MPPED1: variants seen among roughly 807,000 people sequenced by gnomAD.
The protein encoded by MPPED1 is metallophosphoesterase domain containing 1, also known as metallophosphoesterase domain-containing protein 1.
In MPPED1, 16 loss-of-function variants were observed where a neutral mutation model predicts 36.2. The ratio of observed to expected loss-of-function variants is 0.44; its 90% CI spans 0.30 to 0.67. MPPED1 has a LOEUF of 0.67. Among genes scored for constraint, MPPED1 ranks in the 30% least tolerant of loss-of-function variants. MPPED1 has a pLI of 0.10. For missense variants in MPPED1, 307 were observed against 453.4 expected (o/e 0.68, Z 2.93); for synonymous variants, 199 against 191.3 (o/e 1.04, Z -0.33).
intron 3 of MPPED1, among the ~76,000 whole-genome samples, chr22:43,453,113 C>A (rs1930632155): frequency 6.6e-6 from 1 of 151,986 alleles, no homozygotes; most frequent in African/African-American, 2.4e-5. Context: ...CCACGCCCGG[C>A]TAATTTGTTG....
In MPPED1 at chr22:43,435,031, C is replaced by A; in HGVS notation, c.225-3C>A. ...TGATCCGCAGTGTCATCTCTCCCTG[C>A]AGGGTGGACCCGGTGCCTCACGATG... is the stretch of plus-strand genomic sequence containing the variant. On this transcript the variant is annotated splice_region_variant and splice_polypyrimidine_tract_variant and intron_variant, in intron 2 of 6. Transcript: ENST00000443721. The A allele has an allele frequency of 1.2e-6, 2 of 1,613,198 alleles. No homozygotes were observed. Among genetic ancestry groups the A allele is most frequent in the Non-Finnish European group, 1.7e-6 (2 of 1,179,598 alleles).
chr22:43,476,909 C>T (rs1931595245), intron 4 of MPPED1, among the ~76,000 whole-genome samples: 1 of 152,118 alleles, frequency 6.6e-6, no homozygotes, highest in Admixed American at 6.5e-5. Flanking sequence ...GGAGGGCCGT[C>T]TAGAAGGAGG....
chr22:43,422,180 G>T (rs135088), intron 1 of MPPED1, among the ~76,000 whole-genome samples: 254 of 152,328 alleles, frequency 1.7e-3, no homozygotes, highest in African/African-American at 5.7e-3. Context: ...GAGGGCAGAG[G>T]CGGAAGCCAG....
intron 4 of MPPED1, among the ~76,000 whole-genome samples, chr22:43,493,288 G>C (rs949335289): frequency 1.3e-5 from 2 of 152,184 alleles, no homozygotes; most frequent in Non-Finnish European, 2.9e-5. Context: ...ACTAAGTTGG[G>C]GTTTTCAAAT....
At chr22:43,485,589 C>T (rs757198856) in intron 4 of MPPED1, among the ~76,000 whole-genome samples, 9 of 152,136 alleles carry the variant, frequency 5.9e-5, no homozygotes, top group Non-Finnish European at 1.2e-4. Context: ...CTGCCCCCTT[C>T]CTATCTTCAT....
At chr22:43,423,456 G>A (rs1438257676) in intron 1 of MPPED1, among the ~76,000 whole-genome samples, 1 of 152,206 alleles carries the variant, frequency 6.6e-6, no homozygotes, top group African/African-American at 2.4e-5. Flanking sequence ...GCGCAAGTGT[G>A]TCCCCAGGAA....
chr22:43,424,763 AT>A, intron 1 of MPPED1, 144 bp from the exon 2 acceptor site: 3 of 1,136,984 alleles, frequency 2.6e-6, no homozygotes, highest in Non-Finnish European at 3.6e-6. Context: ...AGTTGGAAAG[AT>A]TTGTAATGAG....
intron 4 of MPPED1, among the ~76,000 whole-genome samples, chr22:43,497,056 G>A (rs1226397383): frequency 7.0e-5 from 10 of 142,778 alleles, no homozygotes; most frequent in South Asian, 2.3e-4. Flanking sequence ...TGGTGGTGGA[G>A]ATGGTGGTGG....
intron 3 of MPPED1, among the ~76,000 whole-genome samples, chr22:43,471,910 GC>G (rs1409645298): frequency 3.3e-5 from 5 of 152,228 alleles, no homozygotes; most frequent in African/African-American, 9.6e-5. Context: ...GGTGGAAGGG[GC>G]TTGTAGAATC....
chr22:43,461,040 C>T (rs1288441881), intron 3 of MPPED1, among the ~76,000 whole-genome samples: 1 of 152,172 alleles, frequency 6.6e-6, no homozygotes, highest in African/African-American at 2.4e-5. Context: ...GGGCTTTCCT[C>T]ATTGAGCAAG....
chr22:43,464,345 G>T (rs1053939601), intron 3 of MPPED1, among the ~76,000 whole-genome samples: 6 of 151,122 alleles, frequency 4.0e-5, no homozygotes, highest in Non-Finnish European at 8.8e-5. Context: ...GGTGGGCATA[G>T]GGGGATGTGA....
intron 1 of MPPED1, chr22:43,419,169 G>A (rs1929174694): frequency 6.6e-6 from 1 of 152,202 alleles, no homozygotes; most frequent in Non-Finnish European, 1.5e-5. Flanking sequence ...TTTGAGTCCT[G>A]CTGTCAGACT....
intron 2 of MPPED1, among the ~76,000 whole-genome samples, chr22:43,428,973 G>A (rs887620406): frequency 2.0e-5 from 3 of 152,072 alleles, no homozygotes; most frequent in African/African-American, 7.2e-5. Flanking sequence ...CAGGGCCATG[G>A]CACCAGGCAC....
intron 2 of MPPED1, among the ~76,000 whole-genome samples, chr22:43,433,401 C>A (rs1344866910): frequency 1.3e-5 from 2 of 151,594 alleles, no homozygotes; most frequent in Non-Finnish European, 2.9e-5. Flanking sequence ...TCAGGGCTGG[C>A]ACACGGTAGT....
At chr22:43,421,304 G>A (rs1238532118) in intron 1 of MPPED1, among the ~76,000 whole-genome samples, 1 of 152,232 alleles carries the variant, frequency 6.6e-6, no homozygotes, top group East Asian at 1.9e-4. Flanking sequence ...AAGCCGTTGC[G>A]TTTCCAGTTT....
rs1555898598 is a variant in MPPED1, at chr22:43,432,634, A to AGAGAGGGAG, written c.225-2395_225-2394insGGAGGAGAG. Among the ~76,000 whole-genome samples the AGAGAGGGAG allele has an allele frequency of 5.5e-3, 3 of 548 alleles. 1 individual carries two copies. Among genetic ancestry groups the AGAGAGGGAG allele is most frequent in the Non-Finnish European group, 0.011 (3 of 284 alleles). 0.4% of individuals were successfully genotyped at this position (548 alleles called of 152,430 possible). On this transcript the variant is annotated intron_variant, in intron 2 of 6. Transcript: ENST00000443721. ...AAAGAGAGAGAGAAGGGGAGGAGAG[A>AGAGAGGGAG]GAGAGAGAGGGAAAGAGAAAGGGAG...
At chr22:43,433,318 C>A (rs1298383440) in intron 2 of MPPED1, among the ~76,000 whole-genome samples, 1 of 152,176 alleles carries the variant, frequency 6.6e-6, no homozygotes. Flanking sequence ...GCCAAATCTG[C>A]TGCCACCATC....
At chr22:43,451,999 C>T (rs1320599180) in intron 3 of MPPED1, among the ~76,000 whole-genome samples, 1 of 151,896 alleles carries the variant, frequency 6.6e-6, no homozygotes, top group Non-Finnish European at 1.5e-5. Context: ...TGATCACCTC[C>T]CTATATTTTT....
intron 2 of MPPED1, among the ~76,000 whole-genome samples, chr22:43,432,886 AAAGGGAG>A: frequency 1.5e-5 from 1 of 68,566 alleles, no homozygotes; most frequent in African/African-American, 4.6e-5. Flanking sequence ...AGGGAAAGAG[AAAGGGAG>A]GAGAGAGAGA....
Sources: gnomAD v4.1 joint callset for allele counts (sites outside exome capture counted in the v4.1 genomes callset) on GRCh38, gnomAD v4.1.1 for gene constraint, MANE v1.5 for transcripts, NCBI Gene and HGNC (gene_info 2026-07-23, HGNC 2026-07-21) for gene names.